LFNG: variants seen among roughly 807,000 people sequenced by gnomAD.
LFNG encodes beta-1,3-N-acetylglucosaminyltransferase lunatic fringe.
LFNG carries 15 observed loss-of-function variants against 32.7 expected under a neutral mutation model. The observed-to-expected ratio is 0.46, with a 90% CI of 0.31 to 0.71. The LOEUF (loss-of-function observed/expected upper bound fraction) is 0.71, where lower values mean the gene tolerates loss of function less well. Among genes scored for constraint, LFNG ranks in the 30% least tolerant of loss-of-function variants. The pLI is 0.06. For missense variants in LFNG, 520 were observed against 545.7 expected (o/e 0.95, Z 0.47); for synonymous variants, 274 against 246.8 (o/e 1.11, Z -1.03).
chr7:2,527,560 TGCA>T lies in LFNG; in HGVS notation c.*350_*352del, dbSNP rs1780030705. 8.0e-7 allele frequency: 1 copy of T among 1,242,612 alleles called. No individual in the cohort carries two copies. Among genetic ancestry groups the T allele is most frequent in the Non-Finnish European group, 1.0e-6 (1 of 977,784 alleles). The allele number at this position is 1,242,612 out of a possible 1,614,324, so 77.0% of individuals were successfully genotyped here. On this transcript the variant is annotated 3_prime_UTR_variant, in exon 8 of 8. Coordinates refer to ENST00000222725, the MANE Select transcript of LFNG (RefSeq NM_001040167.2). This position sits in a 1 kb window ranked among gnomAD's most constrained non-coding sequence, Gnocchi z 4.4. Reference sequence around the variant, plus strand: ...ACAGCTACGGGGCTCCGGGCTACTTTGCAGGGATGCGATGCGTAGGTGCCTTTC... The same window carrying T: ...ACAGCTACGGGGCTCCGGGCTACTTTGGGATGCGATGCGTAGGTGCCTTTC...
rs1000768182 is a variant in LFNG, at chr7:2,526,428, C to A, written c.987+19C>A. ...CGAGCAGGTGCACCATCCTCCGGGCCCCGCCAGGACTCCGAGAGCACAGGA... is the reference window on the plus strand; with the variant it reads ...CGAGCAGGTGCACCATCCTCCGGGCACCGCCAGGACTCCGAGAGCACAGGA... On this transcript the variant is annotated intron_variant, in intron 6 of 7. Coordinates refer to ENST00000222725, the MANE Select transcript of LFNG (RefSeq NM_001040167.2). The surrounding 1 kb of genome is among the most constrained non-coding windows in gnomAD (Gnocchi z 6.9). 6.9e-6 allele frequency: 11 copies of A among 1,603,466 alleles called. No individual in the cohort carries two copies. Among genetic ancestry groups the A allele is most frequent in the Non-Finnish European group, 9.3e-6 (11 of 1,179,674 alleles).
rs138480666 is a variant in LFNG at position 2,526,206 on chromosome 7, C to T, written c.822-38C>T. 2,503 of 1,609,138 alleles carry T rather than the reference C, an allele frequency of 1.6e-3. 55 individuals carry two copies. In the East Asian group the frequency reaches 0.043, roughly 28 times the overall value. ...TCCCCAGCTCCCAGCAGATGGCTCC[C>T]GCCTCTGCTCACTGGTCTGGGCCCT... On this transcript the variant is annotated intron_variant, in intron 5 of 7. Transcript: ENST00000222725. The surrounding 1 kb of genome is among the most constrained non-coding windows in gnomAD (Gnocchi z 6.9).
Sources: gnomAD v4.1 joint callset for allele counts on GRCh38, gnomAD v4.1.1 for gene constraint, Gnocchi (gnomAD v3.1) non-coding constraint, MANE v1.5 for transcripts, NCBI Gene and HGNC (gene_info 2026-07-23, HGNC 2026-07-21) for gene names.